Variants in CGNL1 observed in about 807,000 individuals in gnomAD.
CGNL1 encodes cingulin like 1.
Under a neutral mutation model 141.2 loss-of-function variants are expected in CGNL1, and 132 were observed. The ratio of observed to expected loss-of-function variants is 0.93; its 90% confidence interval spans 0.81 to 1.08. The LOEUF (loss-of-function observed/expected upper bound fraction) is 1.08. Ranked by LOEUF, CGNL1 falls within the 50% of genes least tolerant of loss-of-function variation. CGNL1 has a pLI of 0.00. For missense variants in CGNL1, 1,870 were observed against 1,588.6 expected (o/e 1.18, Z -3.01); for synonymous variants, 690 against 622.1 (o/e 1.11, Z -1.63).
At chr15:57,387,495 T>C (rs2062496537) in intron 1 of CGNL1, among the ~76,000 whole-genome samples, 1 of 152,210 alleles carries the variant, frequency 6.6e-6, no homozygotes, top group Non-Finnish European at 1.5e-5. Flanking sequence ...TGCCAGGTTC[T>C]TGGTGCTGGG....
chr15:57,516,229 A>C (rs912942655), intron 8 of CGNL1, among the ~76,000 whole-genome samples: 1 of 151,700 alleles, frequency 6.6e-6, no homozygotes, highest in Non-Finnish European at 1.5e-5. Context: ...GGAAGTGGAC[A>C]TGTCAGAAAG....
At chr15:57,495,226 C>T (rs2063920472) in intron 8 of CGNL1, among the ~76,000 whole-genome samples, 2 of 152,146 alleles carry the variant, frequency 1.3e-5, no homozygotes, top group Non-Finnish European at 2.9e-5. Flanking sequence ...GTCAGCAACT[C>T]ATTTGCATGG....
chr15:57,535,976 A>G (rs1253172384), intron 14 of CGNL1, among the ~76,000 whole-genome samples: 1 of 152,172 alleles, frequency 6.6e-6, no homozygotes, highest in East Asian at 1.9e-4. Context: ...AGCCTGTATT[A>G]GTTCGTTCTC....
At chr15:57,491,640 A>G (rs1365000021) in intron 8 of CGNL1, among the ~76,000 whole-genome samples, 3 of 152,180 alleles carry the variant, frequency 2.0e-5, no homozygotes, top group Non-Finnish European at 4.4e-5. Context: ...ATTGTAGCTA[A>G]GAGGCAGAAT....
intron 1 of CGNL1, among the ~76,000 whole-genome samples, chr15:57,417,997 G>A (rs1246716274): frequency 1.3e-5 from 2 of 152,120 alleles, no homozygotes; most frequent in African/African-American, 4.8e-5. Context: ...GAGGTGGCTT[G>A]AGCCTTTGGG....
chr15:57,381,458 GGT>G, intron 1 of CGNL1, among the ~76,000 whole-genome samples: 2 of 152,292 alleles, frequency 1.3e-5, no homozygotes, highest in South Asian at 2.1e-4. Context: ...CTACTCTGGA[GGT>G]CGAGATGGGA....
chr15:57,474,037 C>T (rs187842313), intron 8 of CGNL1, among the ~76,000 whole-genome samples: 44 of 151,086 alleles, frequency 2.9e-4, no homozygotes, highest in African/African-American at 9.5e-4. Flanking sequence ...CAGCCTCCTG[C>T]GTAGCTGGGA....
chr15:57,483,187 A>G lies in CGNL1; in HGVS notation c.2403+21295A>G, dbSNP rs114654607. 8.0e-3 allele frequency among the ~76,000 whole-genome samples: 1,226 copies of G among 152,338 alleles called. 17 individuals carry two copies. The highest frequency in any genetic ancestry group is 0.027 in the African/African-American group (1,142 of 41,578). On this transcript the variant is annotated intron_variant, in intron 8 of 18. Coordinates refer to ENST00000281282, the MANE Select transcript of CGNL1 (RefSeq NM_032866.5). ...ATGACTATGTTGAGTATTCCAGTCC[A>G]TGAACATGGTCTAAGTAAATCTCCA...
chr15:57,539,848 G>A (rs1350861687), intron 14 of CGNL1, among the ~76,000 whole-genome samples: 2 of 152,164 alleles, frequency 1.3e-5, no homozygotes, highest in Non-Finnish European at 2.9e-5. Context: ...GGCTTCCACC[G>A]GCATCGCCCA....
chr15:57,546,240 G>T lies in CGNL1; in HGVS notation c.3773+1G>T, dbSNP rs757175136. 6.4e-7 allele frequency: 1 copy of T among 1,570,856 alleles called. No individual in the cohort carries two copies. The highest frequency in any genetic ancestry group is 1.2e-5 in the South Asian group (1 of 85,486). On this transcript the variant is annotated splice_donor_variant, in intron 18 of 18. Transcript: ENST00000281282. LOFTEE classifies it high-confidence loss of function. ...TCAACTCCATGAAGAAGGACTTAAG[G>T]TGGGCAGGTGTGGAGGCCACAGAGG... is the stretch of plus-strand genomic sequence containing the variant.
chr15:57,467,947 G>C lies in CGNL1; in HGVS notation c.2403+6055G>C, dbSNP rs556219491. On this transcript the variant is annotated intron_variant, in intron 8 of 18. Coordinates refer to ENST00000281282, the MANE Select transcript of CGNL1 (RefSeq NM_032866.5). ...TCAGATAATTCACCCGCCTTGGCCT[G>C]GCGAAGTACTGGGATTACAGGCATG... Among the ~76,000 whole-genome samples the C allele has an allele frequency of 2.0e-5, 3 of 152,158 alleles. No homozygotes were observed. In the South Asian group the frequency reaches 6.2e-4, roughly 32 times the overall value.
At chr15:57,380,653 A>C (rs1286922036) in intron 1 of CGNL1, among the ~76,000 whole-genome samples, 2 of 152,124 alleles carry the variant, frequency 1.3e-5, no homozygotes, top group African/African-American at 4.8e-5. Context: ...CGACTCCAGG[A>C]GCGAGAAGGG....
chr15:57,436,653 T>G (rs1246642670), intron 1 of CGNL1, among the ~76,000 whole-genome samples: 1 of 151,808 alleles, frequency 6.6e-6, no homozygotes, highest in Non-Finnish European at 1.5e-5. Context: ...AGTCAAGGAG[T>G]CAGAAATAGA....
At chr15:57,402,656 C>T (rs1567620) in intron 1 of CGNL1, 58,368 of 152,092 alleles carry the variant, frequency 0.38, 11,460 homozygotes, top group East Asian at 0.6. Flanking sequence ...CTGTTGGTTT[C>T]ACAGTGTGTC....
At chr15:57,506,666 A>G (rs1053952639) in intron 8 of CGNL1, among the ~76,000 whole-genome samples, 1 of 152,174 alleles carries the variant, frequency 6.6e-6, no homozygotes, top group African/African-American at 2.4e-5. Flanking sequence ...ACTGGTAGCA[A>G]CTAGCAGAGG....
At chr15:57,426,311 A>G (rs1281670512) in intron 1 of CGNL1, among the ~76,000 whole-genome samples, 2 of 151,760 alleles carry the variant, frequency 1.3e-5, no homozygotes, top group Non-Finnish European at 1.5e-5. Context: ...TGCCTGGCTA[A>G]TTTTTGTATT....
intron 8 of CGNL1, among the ~76,000 whole-genome samples, chr15:57,508,581 G>C (rs969108628): frequency 2.6e-5 from 4 of 152,260 alleles, no homozygotes; most frequent in African/African-American, 7.2e-5. Flanking sequence ...AAGGAAGGTT[G>C]CAATGTGAGC....
At chr15:57,453,930 C>T (rs144229155) in intron 7 of CGNL1, 112 bp downstream of exon 7, 562 of 1,223,498 alleles carry the variant, frequency 4.6e-4, no homozygotes, top group Middle Eastern at 1.7e-3. Flanking sequence ...ACCTGCTCCA[C>T]CTGTGCTCTT....
At chr15:57,394,506 G>A (rs747630667) in intron 1 of CGNL1, among the ~76,000 whole-genome samples, 7 of 152,136 alleles carry the variant, frequency 4.6e-5, no homozygotes, top group Non-Finnish European at 7.4e-5. Flanking sequence ...CTTGCCCAAG[G>A]TGACATAACT....
Sources: gnomAD v4.1 joint callset for allele counts (sites outside exome capture counted in the v4.1 genomes callset) on GRCh38, gnomAD v4.1.1 for gene constraint, MANE v1.5 for transcripts, NCBI Gene and HGNC (gene_info 2026-07-23, HGNC 2026-07-21) for gene names.